ZNF226: variants seen among roughly 807,000 people sequenced by gnomAD.
ZNF226 encodes the protein Kruppel-associated box protein.
A neutral mutation model predicts 11.4 loss-of-function variants in ZNF226; 6 were observed. The ratio of observed to expected loss-of-function variants is 0.53; its 90% confidence interval spans 0.29 to 1.04. The LOEUF (loss-of-function observed/expected upper bound fraction) is 1.04. Ranked by LOEUF, ZNF226 falls within the 50% of genes least tolerant of loss-of-function variation. The probability of loss-of-function intolerance (pLI) is 0.08; values close to 1 mark genes in which losing one functional copy is unlikely to be tolerated. For missense variants in ZNF226, 1,058 were observed against 956.5 expected (o/e 1.11, Z -1.40); for synonymous variants, 350 against 322.8 (o/e 1.08, Z -0.90).
At chr19:44,167,506 G>A (rs1599716605) in intron 2 of ZNF226, among the ~76,000 whole-genome samples, 1 of 151,860 alleles carries the variant, frequency 6.6e-6, no homozygotes, top group Middle Eastern at 3.4e-3. Flanking sequence ...TTTTAGTAGC[G>A]ATGGGGTTCC....
downstream of ZNF226, chr19:44,177,999 T>A (rs1233299926): frequency 4.8e-6 from 1 of 207,324 alleles, no homozygotes; most frequent in African/African-American, 2.3e-5. Context: ...CATTGCCATA[T>A]ACTTCACAGG....
chr19:44,181,750 G>A (rs547822596), downstream of ZNF226, among the ~76,000 whole-genome samples: 30 of 152,254 alleles, frequency 2.0e-4, no homozygotes, highest in South Asian at 5.8e-3. Context: ...TCTATTTGAA[G>A]TCAGTCTCCC....
chr19:44,178,614 A>G (rs946624565), downstream of ZNF226, among the ~76,000 whole-genome samples: 1 of 152,202 alleles, frequency 6.6e-6, no homozygotes, highest in African/African-American at 2.4e-5. Context: ...TTTTTGGAGC[A>G]TGACTTTCAC....
At chr19:44,199,179 CTGT>C in the ZNF226 span, among the ~76,000 whole-genome samples, 8 of 151,914 alleles carry the variant, frequency 5.3e-5, no homozygotes, top group East Asian at 7.8e-4. Context: ...GTTGTTGTTG[CTGT>C]TGTTGTTGTT....
chr19:44,172,111 G>A lies in ZNF226; in HGVS notation c.39G>A (p.Val13=). The change falls in exon 4 of 6, where the codon GTG becomes GTA. Residue 13 remains valine, a synonymous_variant. Coordinates refer to ENST00000337433, the MANE Select transcript of ZNF226 (RefSeq NM_001032373.2). ...AGGAAGCAGTGACCTTCAAGGACGT[G>A]GCTGTGGCCTTCACGGAGGAGGAAT... ...MFKEAVTFKD[V]AVAFTEEELG... is the part of the protein sequence containing the mutation. 1 of 1,612,808 alleles carries A rather than the reference G, an allele frequency of 6.2e-7. No homozygotes were observed. The highest frequency in any genetic ancestry group is 8.5e-7 in the Non-Finnish European group (1 of 1,179,130).
chr19:44,170,770 AG>A (rs1970006007), intron 3 of ZNF226, among the ~76,000 whole-genome samples: 1 of 152,036 alleles, frequency 6.6e-6, no homozygotes, highest in African/African-American at 2.4e-5. Flanking sequence ...AAAATTAGCC[AG>A]GTATGGCGGT....
At chr19:44,182,681 A>G (rs1970925043), downstream of ZNF226, among the ~76,000 whole-genome samples, 1 of 152,152 alleles carries the variant, frequency 6.6e-6, no homozygotes, top group Admixed American at 6.5e-5. Flanking sequence ...AAATTGTGAC[A>G]TTGAAATGGG....
chr19:44,170,159 G>A, intron 3 of ZNF226, 64 bp downstream of exon 3: 5 of 1,562,020 alleles, frequency 3.2e-6, no homozygotes, highest in East Asian at 2.3e-5. Context: ...GATGGAACCA[G>A]GTTTTTCTTT....
chr19:44,186,871 A>G, the ZNF226 span, among the ~76,000 whole-genome samples: 23 of 79,656 alleles, frequency 2.9e-4, no homozygotes, highest in African/African-American at 1.8e-3. Context: ...TTTCTAGTTA[A>G]GTGGTTTTTT....
chr19:44,174,731 A>G (rs970537863), intron 5 of ZNF226: 2 of 321,650 alleles, frequency 6.2e-6, no homozygotes, highest in Admixed American at 4.9e-5. Context: ...AAAGACAAAC[A>G]TATCTACATC....
chr19:44,185,750 T>C, the ZNF226 span, among the ~76,000 whole-genome samples: 2 of 152,108 alleles, frequency 1.3e-5, no homozygotes, highest in African/African-American at 4.8e-5. Flanking sequence ...TGCACAGAAG[T>C]TTTTGAGTTT....
chr19:44,181,436 T>C (rs1970905655), downstream of ZNF226, among the ~76,000 whole-genome samples: 1 of 151,066 alleles, frequency 6.6e-6, no homozygotes, highest in Admixed American at 6.6e-5. Context: ...CTTCCCTATT[T>C]TGAGCCTCCA....
At position 44,177,639 on chromosome 19, in the gene ZNF226, A is replaced by G. The variant is rs770108224; in HGVS notation, c.2377A>G (p.Arg793Gly). Residue 793 changes from arginine (R) to glycine (G), a missense_variant, in exon 6 of 6, where the codon AGA (arginine) becomes GGA (glycine). Coordinates refer to ENST00000337433, the MANE Select transcript of ZNF226 (RefSeq NM_001032373.2). ...YKSNRGGKNI[R>G]ESTQEKKSIK The stretch of plus-strand genomic sequence containing the variant: ...AAGTAATAGGGGTGGTAAGAACATC[A>G]GAGAATCCACACAGGAAAAAAAATC... The G allele has an allele frequency of 4.4e-6, 7 of 1,602,908 alleles. No individual in the cohort carries two copies. In the South Asian group the frequency reaches 7.8e-5, roughly 18 times the overall value.
intron 2 of ZNF226, 76 bp from the exon 3 acceptor site, chr19:44,169,959 C>A: frequency 1.0e-6 from 1 of 970,120 alleles, no homozygotes; most frequent in Non-Finnish European, 1.5e-6. Flanking sequence ...CACACCTTTG[C>A]TAATTCCTAA....
At chr19:44,177,800 G>A (rs1012926716), downstream of ZNF226, 5 of 1,104,844 alleles carry the variant, frequency 4.5e-6, no homozygotes, top group African/African-American at 3.2e-5. Flanking sequence ...GATTAGCATA[G>A]CAAGGGCTTC....
In ZNF226 at chr19:44,172,871, T is replaced by A; in HGVS notation, c.154T>A (p.Phe52Ile). The A allele has an allele frequency of 6.2e-7, 1 of 1,601,934 alleles. No homozygotes were observed. Among genetic ancestry groups the A allele is most frequent in the Non-Finnish European group, 8.5e-7 (1 of 1,174,100 alleles). Residue 52 changes from phenylalanine (F) to isoleucine (I), a missense_variant, in exon 5 of 6, where the codon TTC (phenylalanine) becomes ATC (isoleucine). Transcript: ENST00000337433. ...RNLLSVGHPPFKQDVSPIERN... is the reference protein window; with the variant it reads ...RNLLSVGHPPIKQDVSPIERN... ...TGGCATTTTCACAGGGCATCCACCCTTCAAACAAGATGTATCACCTATAGA... is the reference window on the plus strand; with the variant it reads ...TGGCATTTTCACAGGGCATCCACCCATCAAACAAGATGTATCACCTATAGA...
chr19:44,167,936 T>C (rs912467556), intron 2 of ZNF226: 4 of 152,198 alleles, frequency 2.6e-5, no homozygotes, highest in African/African-American at 7.2e-5. Context: ...TTTTAGGCAA[T>C]GGGTTTGTTC....
downstream of ZNF226, among the ~76,000 whole-genome samples, chr19:44,179,943 C>T (rs899675141): frequency 1.3e-5 from 2 of 151,316 alleles, no homozygotes; most frequent in Admixed American, 6.6e-5. Context: ...AAAAACTAGT[C>T]GGGTGAGGTG....
the ZNF226 span, among the ~76,000 whole-genome samples, chr19:44,191,808 A>G: frequency 6.6e-6 from 1 of 152,198 alleles, no homozygotes; most frequent in East Asian, 1.9e-4. Context: ...TAAGTAATGA[A>G]AAACCTAATA....
Sources: gnomAD v4.1 joint callset for allele counts (sites outside exome capture counted in the v4.1 genomes callset) on GRCh38, gnomAD v4.1.1 for gene constraint, MANE v1.5 for transcripts, NCBI Gene and HGNC (gene_info 2026-07-23, HGNC 2026-07-21) for gene names.